The following ARHGEF38 variants were observed in gnomAD, a reference collection of about 807,000 sequenced individuals.
ARHGEF38 encodes the protein Rho guanine nucleotide exchange factor (GEF) 38.
In ARHGEF38, 79 loss-of-function variants were observed where a neutral mutation model predicts 79.9. That is an observed-to-expected ratio of 0.99 (90% confidence interval 0.82 to 1.19). ARHGEF38 has a LOEUF of 1.19. ARHGEF38 is among the 50% of genes most tolerant of loss of function. ARHGEF38 has a pLI of 0.00. For synonymous variants in ARHGEF38, 366 were observed against 328.3 expected (o/e 1.11, Z -1.24); for missense variants, 962 against 907.2 (o/e 1.06, Z -0.78).
chr4:105,556,103 T>C (rs1360394852), intron 1 of ARHGEF38, among the ~76,000 whole-genome samples: 1 of 152,208 alleles, frequency 6.6e-6, no homozygotes, highest in Non-Finnish European at 1.5e-5. Flanking sequence ...TTCAGTTGAC[T>C]AGCATTTATT....
chr4:105,552,864 G>A lies in ARHGEF38; in HGVS notation c.99G>A (p.Lys33=). The A allele has an allele frequency of 6.2e-7, 1 of 1,614,000 alleles. No individual in the cohort carries two copies. Among genetic ancestry groups the A allele is most frequent in the Middle Eastern group, 1.7e-4 (1 of 6,060 alleles). ...RSRLYMLERR[K]TDTVVESSVS... ...GACTCTATATGCTGGAGAGAAGGAA[G>A]ACTGACACTGTGGTTGAGAGCAGTG... is the stretch of plus-strand genomic sequence containing the variant. The change falls in exon 1 of 14, where the codon AAG becomes AAA. Residue 33 remains lysine (K), a synonymous_variant. Transcript: ENST00000420470.
chr4:105,617,578 CAG>C (rs1728559205), intron 3 of ARHGEF38, among the ~76,000 whole-genome samples: 1 of 152,100 alleles, frequency 6.6e-6, no homozygotes, highest in Non-Finnish European at 1.5e-5. Flanking sequence ...ACAAATCAAC[CAG>C]AGTGTCCTAA....
At chr4:105,625,347 G>T (rs1257103341) in intron 3 of ARHGEF38, among the ~76,000 whole-genome samples, 4 of 152,146 alleles carry the variant, frequency 2.6e-5, no homozygotes, top group African/African-American at 9.7e-5. Context: ...GAGTAGATTA[G>T]AATTAAGTTC....
intron 1 of ARHGEF38, among the ~76,000 whole-genome samples, chr4:105,571,276 G>C (rs1352948520): frequency 6.6e-6 from 1 of 150,960 alleles, no homozygotes; most frequent in African/African-American, 2.4e-5. Context: ...AATAAGAATT[G>C]CAGTCCTAAA....
intron 2 of ARHGEF38, among the ~76,000 whole-genome samples, chr4:105,607,105 C>T (rs140473082): frequency 3.9e-5 from 6 of 152,150 alleles, no homozygotes; most frequent in Admixed American, 6.6e-5. Context: ...GGGTTCAGGC[C>T]GATTCATCCA....
Position 105,645,574 on chromosome 4 carries a change from G to T in ARHGEF38, c.874+187G>T, listed in dbSNP as rs899933415. On this transcript the variant is annotated intron_variant, in intron 6 of 13. Coordinates refer to ENST00000420470, the MANE Select transcript of ARHGEF38 (RefSeq NM_001242729.2). Reference sequence around the variant, plus strand: ...GCTGGGTTAAGGAGAAGATTAAGAGGCACAAGAAATGAAATTAAAAAATAA... The same window carrying T: ...GCTGGGTTAAGGAGAAGATTAAGAGTCACAAGAAATGAAATTAAAAAATAA... Among the ~76,000 whole-genome samples, 2 of 152,066 alleles carry T rather than the reference G, an allele frequency of 1.3e-5. 1 individual carries two copies. Among genetic ancestry groups the T allele is most frequent in the South Asian group, 4.1e-4 (2 of 4,826 alleles).
intron 3 of ARHGEF38, among the ~76,000 whole-genome samples, chr4:105,626,036 A>G (rs1728932591): frequency 2.6e-5 from 4 of 152,142 alleles, no homozygotes. Context: ...TGGCCACATA[A>G]ATTCATGTCT....
rs1393411755 is a variant in ARHGEF38, at chr4:105,562,153, C to G, written c.196+9192C>G. On this transcript the variant is annotated intron_variant, in intron 1 of 13. Coordinates refer to ENST00000420470, the MANE Select transcript of ARHGEF38 (RefSeq NM_001242729.2). Reference sequence around the variant, plus strand: ...TTCCTGCATCTGCTATTGAGCATCTCCAGCTCAAAATAATCAGTATCCCAA... The same window carrying G: ...TTCCTGCATCTGCTATTGAGCATCTGCAGCTCAAAATAATCAGTATCCCAA... Among the ~76,000 whole-genome samples, 9 of 152,244 alleles carry G rather than the reference C, an allele frequency of 5.9e-5. No individual in the cohort carries two copies. In the South Asian group the frequency reaches 1.0e-3, roughly 18 times the overall value.
At chr4:105,674,636 A>G (rs886534349) in intron 13 of ARHGEF38, among the ~76,000 whole-genome samples, 1 of 152,076 alleles carries the variant, frequency 6.6e-6, no homozygotes, top group Admixed American at 6.6e-5. Context: ...TATATAATAT[A>G]TGCCCCCATT....
At chr4:105,564,128 C>A (rs948758587) in intron 1 of ARHGEF38, among the ~76,000 whole-genome samples, 2 of 151,924 alleles carry the variant, frequency 1.3e-5, no homozygotes, top group Non-Finnish European at 2.9e-5. Flanking sequence ...GCAGCAGTAC[C>A]CAAAGAGGGG....
At chr4:105,605,981 A>G (rs1353053256) in intron 2 of ARHGEF38, among the ~76,000 whole-genome samples, 4 of 152,046 alleles carry the variant, frequency 2.6e-5, no homozygotes. Flanking sequence ...TGCAGTCTCA[A>G]TATCATTGGG....
At chr4:105,616,839 G>A (rs1041615766) in intron 3 of ARHGEF38, among the ~76,000 whole-genome samples, 2 of 152,198 alleles carry the variant, frequency 1.3e-5, no homozygotes, top group African/African-American at 4.8e-5. Flanking sequence ...TTAAAAGACT[G>A]TGCTCTAAGC....
intron 2 of ARHGEF38, among the ~76,000 whole-genome samples, chr4:105,591,865 G>C (rs57776902): frequency 6.6e-6 from 1 of 152,154 alleles, no homozygotes; most frequent in South Asian, 2.1e-4. Context: ...ATTGATGGTC[G>C]TGATAAAAAT....
At chr4:105,554,229 G>T (rs1725145756) in intron 1 of ARHGEF38, among the ~76,000 whole-genome samples, 1 of 152,038 alleles carries the variant, frequency 6.6e-6, no homozygotes, top group Non-Finnish European at 1.5e-5. Context: ...TAGATTCAGG[G>T]GGTATATATG....
intron 1 of ARHGEF38, among the ~76,000 whole-genome samples, chr4:105,573,673 CT>C (rs1726344364): frequency 6.6e-6 from 1 of 150,880 alleles, no homozygotes; most frequent in Non-Finnish European, 1.5e-5. Context: ...CAGCTTTATT[CT>C]TCTTTTTCAA....
chr4:105,642,939 A>G (rs1270027789), intron 5 of ARHGEF38, among the ~76,000 whole-genome samples: 1 of 152,074 alleles, frequency 6.6e-6, no homozygotes, highest in Non-Finnish European at 1.5e-5. Context: ...ATTTCCTCTA[A>G]TCAAGTTAAT....
chr4:105,589,393 G>A lies in ARHGEF38; in HGVS notation c.342G>A (p.Glu114=). ...QTEKDYLNDL[E]LCVREVVQPL... is the part of the protein sequence containing the mutation. Reference sequence around the variant, plus strand: ...AAAAGGATTATCTCAATGATCTAGAGCTGTGTGTTAGGGAAGTGGTTCAGC... The same window carrying A: ...AAAAGGATTATCTCAATGATCTAGAACTGTGTGTTAGGGAAGTGGTTCAGC... Residue 114 remains glutamate (E), a synonymous_variant, in exon 2 of 14, where the codon GAG becomes GAA. Transcript: ENST00000420470. The A allele has an allele frequency of 6.2e-7, 1 of 1,613,868 alleles. No individual in the cohort carries two copies. The highest frequency in any genetic ancestry group is 1.1e-5 in the South Asian group (1 of 90,994).
At chr4:105,577,613 A>G (rs1726570100) in intron 1 of ARHGEF38, among the ~76,000 whole-genome samples, 1 of 152,016 alleles carries the variant, frequency 6.6e-6, no homozygotes, top group Non-Finnish European at 1.5e-5. Flanking sequence ...CTCGCTGCTT[A>G]TCGGTCTAAT....
chr4:105,631,791 A>T (rs1202464252), intron 4 of ARHGEF38: 14 of 635,972 alleles, frequency 2.2e-5, no homozygotes, highest in Non-Finnish European at 2.7e-5. Flanking sequence ...ATCTTTCTGA[A>T]TATGCAGTTT....
Sources: gnomAD v4.1 joint callset for allele counts (sites outside exome capture counted in the v4.1 genomes callset) on GRCh38, gnomAD v4.1.1 for gene constraint, MANE v1.5 for transcripts, NCBI Gene and HGNC (gene_info 2026-07-23, HGNC 2026-07-21) for gene names.